ZNF804B: variants seen among roughly 807,000 people sequenced by gnomAD.
ZNF804B encodes zinc finger protein 804B, also known as zinc finger 804B.
In ZNF804B, 80 loss-of-function variants were observed where a neutral mutation model predicts 101.4. The observed-to-expected ratio is 0.79, with a 90% confidence interval of 0.66 to 0.95. The LOEUF is 0.95. ZNF804B is among the 40% of genes least tolerant of loss of function. The pLI is 0.00. For synonymous variants in ZNF804B, 622 were observed against 558.8 expected, an observed-to-expected ratio of 1.11 and a Z score of -1.59; for missense variants, 1,673 against 1,561.9, an observed-to-expected ratio of 1.07 and a Z score of -1.20.
At chr7:89,017,274 A>G (rs533373458) in intron 1 of ZNF804B, among the ~76,000 whole-genome samples, 14 of 152,302 alleles carry the variant, frequency 9.2e-5, no homozygotes, top group East Asian at 3.9e-4. Context: ...CAGTCATGTC[A>G]TCTGCAAACA....
chr7:88,906,690 T>C (rs933728530), intron 1 of ZNF804B, among the ~76,000 whole-genome samples: 1 of 152,170 alleles, frequency 6.6e-6, no homozygotes, highest in Admixed American at 6.5e-5. Context: ...CATGTGCAGA[T>C]GAAAATAATG....
At chr7:89,316,750 C>T (rs1332372781) in intron 2 of ZNF804B, among the ~76,000 whole-genome samples, 1 of 152,136 alleles carries the variant, frequency 6.6e-6, no homozygotes, top group Non-Finnish European at 1.5e-5. Context: ...ACAGGCAAGT[C>T]TGCACTCATC....
At chr7:89,295,728 G>T (rs547218545) in intron 2 of ZNF804B, among the ~76,000 whole-genome samples, 13 of 152,126 alleles carry the variant, frequency 8.5e-5, no homozygotes, top group African/African-American at 2.9e-4. Flanking sequence ...GATTAAAATA[G>T]GCCCCTTTAA....
At chr7:89,155,414 C>G (rs1453549022) in intron 1 of ZNF804B, among the ~76,000 whole-genome samples, 2 of 152,140 alleles carry the variant, frequency 1.3e-5, no homozygotes, top group Non-Finnish European at 2.9e-5. Context: ...CCATGCTGTT[C>G]TCTTCGCTCA....
chr7:89,314,831 GT>G (rs1463290733), intron 2 of ZNF804B, among the ~76,000 whole-genome samples: 3 of 152,126 alleles, frequency 2.0e-5, no homozygotes, highest in Non-Finnish European at 4.4e-5. Context: ...TCTGGAAATT[GT>G]TTTATTCTCC....
At chr7:89,116,809 G>C (rs1790318842) in intron 1 of ZNF804B, among the ~76,000 whole-genome samples, 1 of 152,256 alleles carries the variant, frequency 6.6e-6, no homozygotes, top group African/African-American at 2.4e-5. Context: ...TTCCACTAGA[G>C]TGCTATATAG....
intron 1 of ZNF804B, among the ~76,000 whole-genome samples, chr7:88,904,843 CTT>C (rs1040875291): frequency 1.3e-5 from 2 of 152,056 alleles, no homozygotes; most frequent in Non-Finnish European, 2.9e-5. Flanking sequence ...TTCTAGGAGT[CTT>C]TTGCGAGTTT....
chr7:89,200,971 A>G (rs1698116191), intron 1 of ZNF804B, among the ~76,000 whole-genome samples: 1 of 151,958 alleles, frequency 6.6e-6, no homozygotes, highest in African/African-American at 2.4e-5. Context: ...TCCAGTGTGA[A>G]ACCATAGTGA....
At chr7:88,864,412 A>G (rs961623080) in intron 1 of ZNF804B, among the ~76,000 whole-genome samples, 5 of 152,178 alleles carry the variant, frequency 3.3e-5, no homozygotes, top group South Asian at 2.1e-4. Context: ...TGAGATGTAC[A>G]ATCTCAGGGC....
chr7:88,986,138 G>A (rs1043833797), intron 1 of ZNF804B, among the ~76,000 whole-genome samples: 2 of 152,040 alleles, frequency 1.3e-5, no homozygotes, highest in Non-Finnish European at 2.9e-5. Flanking sequence ...AAGCAACAAA[G>A]CCAAGACAGA....
At chr7:89,223,823 C>T (rs1204560685) in intron 2 of ZNF804B, among the ~76,000 whole-genome samples, 2 of 151,830 alleles carry the variant, frequency 1.3e-5, no homozygotes, top group African/African-American at 2.4e-5. Flanking sequence ...ATATATAGCT[C>T]ACGTTTTTGG....
At chr7:88,846,243 A>C (rs189498136) in intron 1 of ZNF804B, among the ~76,000 whole-genome samples, 7 of 151,346 alleles carry the variant, frequency 4.6e-5, no homozygotes, top group African/African-American at 1.4e-4. Flanking sequence ...TACATTTTGC[A>C]TCTGTAAAAC....
At chr7:88,971,708 A>G (rs1793540150) in intron 1 of ZNF804B, among the ~76,000 whole-genome samples, 1 of 151,610 alleles carries the variant, frequency 6.6e-6, no homozygotes, top group Admixed American at 6.6e-5. Flanking sequence ...TGCCTGCCTT[A>G]TCCACCTATA....
At chr7:89,089,461 TAAC>T (rs1380494713) in intron 1 of ZNF804B, among the ~76,000 whole-genome samples, 3 of 152,052 alleles carry the variant, frequency 2.0e-5, no homozygotes, top group African/African-American at 4.8e-5. Context: ...AATGTTGTCT[TAAC>T]AATTTCTTAA....
At chr7:89,259,045 G>C (rs866724715) in intron 2 of ZNF804B, among the ~76,000 whole-genome samples, 1 of 151,616 alleles carries the variant, frequency 6.6e-6, no homozygotes, top group African/African-American at 2.4e-5. Flanking sequence ...TCCAAAATTT[G>C]CCCATATCAT....
intron 1 of ZNF804B, among the ~76,000 whole-genome samples, chr7:88,939,514 TA>T (rs1187206395): frequency 6.6e-6 from 1 of 151,782 alleles, no homozygotes; most frequent in Non-Finnish European, 1.5e-5. Flanking sequence ...AGAAACCAAT[TA>T]AAAAGTAATA....
At chr7:88,995,461 T>C (rs1471000999) in intron 1 of ZNF804B, among the ~76,000 whole-genome samples, 4 of 152,054 alleles carry the variant, frequency 2.6e-5, no homozygotes, top group African/African-American at 9.7e-5. Context: ...TGGTATTATT[T>C]CACTATCATA....
At chr7:89,089,463 A>C (rs1012367910) in intron 1 of ZNF804B, among the ~76,000 whole-genome samples, 2 of 152,056 alleles carry the variant, frequency 1.3e-5, no homozygotes, top group African/African-American at 4.8e-5. Flanking sequence ...TGTTGTCTTA[A>C]CAATTTCTTA....
At chr7:88,850,374 C>T (rs1224908011) in intron 1 of ZNF804B, among the ~76,000 whole-genome samples, 2 of 152,064 alleles carry the variant, frequency 1.3e-5, no homozygotes, top group African/African-American at 2.4e-5. Context: ...AGGTGAGAGA[C>T]ACACAGACAG....
Sources: gnomAD v4.1 joint callset for allele counts (sites outside exome capture counted in the v4.1 genomes callset) on GRCh38, gnomAD v4.1.1 for gene constraint, MANE v1.5 for transcripts, NCBI Gene and HGNC (gene_info 2026-07-23, HGNC 2026-07-21) for gene names.